CSMD3: variants seen among roughly 807,000 people sequenced by gnomAD.
The protein encoded by CSMD3 is CUB and sushi domain-containing protein 3.
CSMD3 carries 177 observed loss-of-function variants against 435.2 expected under a neutral mutation model. The observed-to-expected ratio is 0.41, with a 90% CI of 0.36 to 0.46. The LOEUF is 0.46. Ranked by LOEUF, CSMD3 falls within the 20% of genes least tolerant of loss-of-function variation. The pLI, the probability that CSMD3 is intolerant of heterozygous loss-of-function variation, is 0.34. For missense variants in CSMD3, 4,265 were observed against 4,504.6 expected (o/e 0.95, Z 1.52); for synonymous variants, 1,656 against 1,520.5 (o/e 1.09, Z -2.07).
intron 23 of CSMD3, among the ~76,000 whole-genome samples, chr8:112,577,066 C>CA (rs1244576035): frequency 6.6e-6 from 1 of 151,836 alleles, no homozygotes; most frequent in Admixed American, 6.6e-5. Context: ...CTATAATCAT[C>CA]AAAATAAAAT....
chr8:113,019,690 G>A (rs1042012892), intron 5 of CSMD3, among the ~76,000 whole-genome samples: 3 of 151,342 alleles, frequency 2.0e-5, no homozygotes, highest in African/African-American at 7.3e-5. Flanking sequence ...CTCATAAATT[G>A]ATATCCTTAT....
Position 112,921,613 on chromosome 8 carries a change from T to C in CSMD3, c.1633+14A>G. ...ATTAAAATGTGTTCAGAGGGCATTA[T>C]TATAAAACATTACCTTTACACACAG... is the stretch of plus-strand genomic sequence containing the variant. On this transcript the variant is annotated intron_variant, in intron 10 of 70. Coordinates refer to ENST00000297405, the MANE Select transcript of CSMD3 (RefSeq NM_198123.2). 6.2e-7 allele frequency: 1 copy of C among 1,608,364 alleles called. No individual in the cohort carries two copies. Among genetic ancestry groups the C allele is most frequent in the Non-Finnish European group, 8.5e-7 (1 of 1,175,084 alleles).
At chr8:113,139,669 T>G (rs1486620852) in intron 4 of CSMD3, among the ~76,000 whole-genome samples, 1 of 149,386 alleles carries the variant, frequency 6.7e-6, no homozygotes, top group Non-Finnish European at 1.5e-5. Context: ...GAAAAGAAAA[T>G]GAAAAACAAA....
At position 113,008,157 on chromosome 8, in the gene CSMD3, C is replaced by G. The variant is rs138576595; in HGVS notation, c.1030+10910G>C. 2.8e-3 allele frequency among the ~76,000 whole-genome samples: 431 copies of G among 151,614 alleles called. 3 individuals carry two copies. The highest frequency in any genetic ancestry group is 9.7e-3 in the African/African-American group (401 of 41,446). On this transcript the variant is annotated intron_variant, in intron 6 of 70. Transcript: ENST00000297405. ...TTAACAGTCAGAATTTTGTTGAAGT[C>G]CCTTATTTTATATACTCCTTTTAAG...
intron 32 of CSMD3, among the ~76,000 whole-genome samples, chr8:112,456,728 A>C (rs570848399): frequency 6.6e-6 from 1 of 152,182 alleles, no homozygotes; most frequent in Non-Finnish European, 1.5e-5. Context: ...AACTTACATG[A>C]GATTACACAT....
At chr8:113,190,779 C>T (rs1044559571) in intron 3 of CSMD3, among the ~76,000 whole-genome samples, 2 of 151,456 alleles carry the variant, frequency 1.3e-5, no homozygotes, top group Non-Finnish European at 3.0e-5. Flanking sequence ...CACAACTTTG[C>T]GAATGCTGTT....
intron 36 of CSMD3, among the ~76,000 whole-genome samples, chr8:112,384,933 G>A (rs566514908): frequency 7.2e-5 from 11 of 152,292 alleles, no homozygotes; most frequent in Admixed American, 1.3e-4. Context: ...GAAGATTCAC[G>A]CAGGAGTTGA....
At chr8:112,651,596 G>A (rs921744916) in intron 18 of CSMD3, among the ~76,000 whole-genome samples, 1 of 148,536 alleles carries the variant, frequency 6.7e-6, no homozygotes. Flanking sequence ...GGAGTACAAT[G>A]GCGTGATCTC....
chr8:113,030,685 A>G (rs1402077919), intron 5 of CSMD3, among the ~76,000 whole-genome samples: 1 of 151,386 alleles, frequency 6.6e-6, no homozygotes, highest in African/African-American at 2.4e-5. Context: ...TCAAAATTAA[A>G]CACTTCTGCT....
chr8:112,387,194 ATTGT>A (rs553914561), intron 36 of CSMD3, among the ~76,000 whole-genome samples: 494 of 152,238 alleles, frequency 3.2e-3, no homozygotes, highest in African/African-American at 0.011. Context: ...ATATTAACAA[ATTGT>A]TTGTTCAGGT....
In CSMD3 at chr8:112,937,792, C is replaced by T. The variant is rs182200758; in HGVS notation, c.1508+9998G>A. On this transcript the variant is annotated intron_variant, in intron 9 of 70. Transcript: ENST00000297405. ...TACTGTTTCTGTATTGTCTGTATAA[C>T]ACAAGAAGAAGATGACAGTGCAAGT... Among the ~76,000 whole-genome samples, 7 of 152,138 alleles carry T rather than the reference C, an allele frequency of 4.6e-5. No homozygotes were observed. In the East Asian group the frequency reaches 1.2e-3, roughly 25 times the overall value.
intron 1 of CSMD3, among the ~76,000 whole-genome samples, chr8:113,425,025 C>T (rs1350500344): frequency 1.3e-5 from 2 of 151,480 alleles, no homozygotes; most frequent in African/African-American, 4.8e-5. Context: ...AGGATAGGCA[C>T]TAGAGCTTCA....
At chr8:113,425,694 A>G (rs2094632374) in intron 1 of CSMD3, among the ~76,000 whole-genome samples, 1 of 151,542 alleles carries the variant, frequency 6.6e-6, no homozygotes, top group Non-Finnish European at 1.5e-5. Context: ...AAACAAATAA[A>G]AGAGTACTCA....
intron 1 of CSMD3, among the ~76,000 whole-genome samples, chr8:113,318,686 T>G (rs949511628): frequency 6.6e-6 from 1 of 152,038 alleles, no homozygotes; most frequent in Admixed American, 6.6e-5. Context: ...CTTCCAATAC[T>G]TTTATTTTTG....
rs181166047 is a variant in CSMD3 at position 113,417,663 on chromosome 8, T to G, written c.178+19014A>C. On this transcript the variant is annotated intron_variant, in intron 1 of 70. Transcript: ENST00000297405. ...AATTGTACACTATAGGCTGTCTTAT[T>G]TTTTTCTTCCTTTTTGAAAGTAAGA... is the stretch of plus-strand genomic sequence containing the variant. Among the ~76,000 whole-genome samples, 272 of 152,060 alleles carry G rather than the reference T, an allele frequency of 1.8e-3. 1 individual carries two copies. Among genetic ancestry groups the G allele is most frequent in the Non-Finnish European group, 3.4e-3 (232 of 67,900 alleles).
intron 10 of CSMD3, among the ~76,000 whole-genome samples, chr8:112,920,398 T>C (rs974808239): frequency 6.6e-6 from 1 of 151,858 alleles, no homozygotes; most frequent in Non-Finnish European, 1.5e-5. Flanking sequence ...TATAATAATA[T>C]AGATATAACA....
At chr8:112,833,491 T>C (rs188807212) in intron 11 of CSMD3, among the ~76,000 whole-genome samples, 1 of 152,194 alleles carries the variant, frequency 6.6e-6, no homozygotes, top group East Asian at 1.9e-4. Context: ...TTAAAAACAT[T>C]TGTAAATTAT....
At chr8:112,957,708 A>C (rs1251286003) in intron 7 of CSMD3, among the ~76,000 whole-genome samples, 1 of 145,708 alleles carries the variant, frequency 6.9e-6, no homozygotes, top group Non-Finnish European at 1.5e-5. Flanking sequence ...TTGTCCTTCC[A>C]AAGTGCTGGG....
At chr8:112,332,588 G>A (rs898733774) in intron 45 of CSMD3, among the ~76,000 whole-genome samples, 1 of 152,126 alleles carries the variant, frequency 6.6e-6, no homozygotes, top group Admixed American at 6.5e-5. Flanking sequence ...TTAGGCTAGA[G>A]AAATTTAAAG....
Sources: gnomAD v4.1 joint callset for allele counts (sites outside exome capture counted in the v4.1 genomes callset) on GRCh38, gnomAD v4.1.1 for gene constraint, MANE v1.5 for transcripts, NCBI Gene and HGNC (gene_info 2026-07-23, HGNC 2026-07-21) for gene names.